The following KCND2 variants were observed in gnomAD, a reference collection of about 807,000 sequenced individuals.
The protein encoded by KCND2 is potassium voltage-gated channel subfamily D member 2, also known as A-type voltage-gated potassium channel KCND2.
In KCND2, 16 loss-of-function variants were observed where a neutral mutation model predicts 54.4. The ratio of observed to expected loss-of-function variants is 0.29; its 90% CI spans 0.20 to 0.45. The LOEUF is 0.45. Among genes scored for constraint, KCND2 ranks in the 20% least tolerant of loss-of-function variants. The pLI is 1.00. For missense variants in KCND2, 486 were observed against 824.2 expected, an observed-to-expected ratio of 0.59 and a Z score of 5.02; for synonymous variants, 317 against 310.7, an observed-to-expected ratio of 1.02 and a Z score of -0.21.
At position 120,297,184 on chromosome 7, in the gene KCND2, C is replaced by T. The variant is rs576049124; in HGVS notation, c.1115+21437C>T. Among the ~76,000 whole-genome samples, 98 of 152,080 alleles carry T rather than the reference C, an allele frequency of 6.4e-4. 3 individuals carry two copies. In the South Asian group the frequency reaches 0.019, roughly 29 times the overall value. ...TTATTCACTTCCCCCCCAGCTCTTC[C>T]AAATGTCTATCCATCTGTCCAAATG... On this transcript the variant is annotated intron_variant, in intron 1 of 5. Transcript: ENST00000331113.
rs141542556 is a variant in KCND2 at position 120,721,050 on chromosome 7, CAT to C, written c.1116-11852_1116-11851del. Among the ~76,000 whole-genome samples, 120 of 152,292 alleles carry C rather than the reference CAT, an allele frequency of 7.9e-4. 1 individual carries two copies. The highest frequency in any genetic ancestry group is 3.4e-3 in the Middle Eastern group (1 of 294). Reference sequence around the variant, plus strand: ...GTTTTCTAGTATCAACATATTTTCACATGATTTGTTTCCTCTTTCTCCTTAAA... The same window carrying C: ...GTTTTCTAGTATCAACATATTTTCACGATTTGTTTCCTCTTTCTCCTTAAA... On this transcript the variant is annotated intron_variant, in intron 1 of 5. Transcript: ENST00000331113.
intron 1 of KCND2, among the ~76,000 whole-genome samples, chr7:120,631,117 T>C (rs1401821356): frequency 6.6e-6 from 1 of 152,152 alleles, no homozygotes; most frequent in Non-Finnish European, 1.5e-5. Context: ...TTTGATTTTC[T>C]TGCATTCACG....
intron 1 of KCND2, among the ~76,000 whole-genome samples, chr7:120,394,972 C>T (rs1194305884): frequency 1.3e-5 from 2 of 152,022 alleles, no homozygotes; most frequent in African/African-American, 4.8e-5. Flanking sequence ...AAACATGCTA[C>T]TCTATACCAC....
chr7:120,380,427 A>G (rs1378778032), intron 1 of KCND2, among the ~76,000 whole-genome samples: 2 of 151,750 alleles, frequency 1.3e-5, no homozygotes, highest in African/African-American at 4.8e-5. Context: ...CTGGAACCTG[A>G]CAACTGGGGA....
At chr7:120,371,487 A>G (rs1174360223) in intron 1 of KCND2, among the ~76,000 whole-genome samples, 1 of 152,010 alleles carries the variant, frequency 6.6e-6, no homozygotes, top group Admixed American at 6.6e-5. Flanking sequence ...TTTGATTGAT[A>G]AGTTTCCTGA....
intron 1 of KCND2, among the ~76,000 whole-genome samples, chr7:120,385,546 T>C (rs1479304604): frequency 6.6e-6 from 1 of 152,120 alleles, no homozygotes; most frequent in Non-Finnish European, 1.5e-5. Context: ...AACTTTTAAC[T>C]TATAATCTGC....
chr7:120,646,114 A>G (rs1584867790), intron 1 of KCND2, among the ~76,000 whole-genome samples: 3 of 152,198 alleles, frequency 2.0e-5, no homozygotes, highest in East Asian at 3.8e-4. Context: ...TTATTTTGCA[A>G]TCCTGACACT....
intron 1 of KCND2, among the ~76,000 whole-genome samples, chr7:120,585,368 A>G (rs1019533708): frequency 1.3e-5 from 2 of 152,108 alleles, no homozygotes; most frequent in African/African-American, 4.8e-5. Context: ...ATCATGGTTG[A>G]CAAAGGAGTT....
chr7:120,568,878 G>A (rs1792329965), intron 1 of KCND2, among the ~76,000 whole-genome samples: 1 of 152,032 alleles, frequency 6.6e-6, no homozygotes, highest in Non-Finnish European at 1.5e-5. Flanking sequence ...ATTTCATAAG[G>A]GCAGGGGCAT....
chr7:120,702,405 G>A (rs757012247), intron 1 of KCND2, among the ~76,000 whole-genome samples: 2 of 152,078 alleles, frequency 1.3e-5, no homozygotes, highest in Non-Finnish European at 2.9e-5. Flanking sequence ...AGCTAAAAAC[G>A]GAACTACCAG....
At chr7:120,360,538 T>G (rs1332434424) in intron 1 of KCND2, among the ~76,000 whole-genome samples, 2 of 152,112 alleles carry the variant, frequency 1.3e-5, no homozygotes, top group African/African-American at 4.8e-5. Context: ...GTAAAAAGAT[T>G]AAGCCTTTGT....
chr7:120,592,604 G>T (rs913722344), intron 1 of KCND2, among the ~76,000 whole-genome samples: 3 of 152,104 alleles, frequency 2.0e-5, no homozygotes, highest in Non-Finnish European at 4.4e-5. Context: ...ATTTGAAAAA[G>T]TTTTCTTTGA....
rs113483599 is a variant in KCND2, at chr7:120,317,311, T to C, written c.1115+41564T>C. Among the ~76,000 whole-genome samples the C allele has an allele frequency of 3.5e-3, 531 of 152,302 alleles. 4 individuals are homozygous for C. Among genetic ancestry groups the C allele is most frequent in the African/African-American group, 0.012 (503 of 41,580 alleles). ...TGATGGCATCAAATTCTCTAACATA[T>C]GCATTAATTGTAAATTAGGTAATTT... is the stretch of plus-strand genomic sequence containing the variant. On this transcript the variant is annotated intron_variant, in intron 1 of 5. Transcript: ENST00000331113.
chr7:120,712,002 A>G (rs915622390), intron 1 of KCND2, among the ~76,000 whole-genome samples: 4 of 152,046 alleles, frequency 2.6e-5, no homozygotes. Flanking sequence ...GCTTCATTCA[A>G]TAGTTGATGT....
At position 120,385,460 on chromosome 7, in the gene KCND2, A is replaced by G. The variant is rs546167984; in HGVS notation, c.1115+109713A>G. On this transcript the variant is annotated intron_variant, in intron 1 of 5. Transcript: ENST00000331113. Reference sequence around the variant, plus strand: ...GACTTTTCTGAGTTTAGAATCATCCAAGTCATCACCAATCCATGTTTACCC... The same window carrying G: ...GACTTTTCTGAGTTTAGAATCATCCGAGTCATCACCAATCCATGTTTACCC... 1.2e-3 allele frequency among the ~76,000 whole-genome samples: 187 copies of G among 152,222 alleles called. 4 individuals carry two copies. In the South Asian group the frequency reaches 0.028, roughly 23 times the overall value.
rs770021021 is a variant in KCND2 at position 120,742,575 on chromosome 7, C to T, written c.1440C>T (p.His480=). Residue 480 remains histidine (H), a synonymous_variant, in exon 4 of 6, where the codon CAC becomes CAT. Transcript: ENST00000331113. ...CCAGCTTTGAAACCCAGCACCACCA[C>T]CTGCTTCACTGCCTGGAAAAAACCA... ...SGSSFETQHH[H]LLHCLEKTTN... 1.2e-6 allele frequency: 2 copies of T among 1,613,520 alleles called. No individual in the cohort carries two copies. Among genetic ancestry groups the T allele is most frequent in the South Asian group, 1.1e-5 (1 of 91,076 alleles).
chr7:120,713,239 A>G (rs1439768180), intron 1 of KCND2, among the ~76,000 whole-genome samples: 1 of 152,184 alleles, frequency 6.6e-6, no homozygotes, highest in Non-Finnish European at 1.5e-5. Flanking sequence ...ATGAACCTTC[A>G]TGCACCAACT....
chr7:120,319,208 G>T (rs1799856561), intron 1 of KCND2, among the ~76,000 whole-genome samples: 1 of 151,840 alleles, frequency 6.6e-6, no homozygotes, highest in Non-Finnish European at 1.5e-5. Context: ...TTTGCTATTT[G>T]GTTTTTTTCT....
chr7:120,629,450 C>T (rs191300310), intron 1 of KCND2, among the ~76,000 whole-genome samples: 1 of 151,638 alleles, frequency 6.6e-6, no homozygotes, highest in African/African-American at 2.4e-5. Context: ...GGTGCCACTG[C>T]ACTCCATCCT....
Sources: allele counts gnomAD v4.1 joint callset (sites outside exome capture counted in the v4.1 genomes callset), GRCh38; gene constraint gnomAD v4.1.1; transcripts MANE v1.5; gene names NCBI Gene and HGNC (gene_info 2026-07-23, HGNC 2026-07-21).